Variants in SMAD4 observed in about 807,000 individuals in gnomAD.
SMAD4 encodes the protein MAD homolog 4.
A neutral mutation model predicts 63.2 loss-of-function variants in SMAD4; 7 were observed. The observed-to-expected ratio is 0.11, with a 90% confidence interval of 0.06 to 0.21. SMAD4 has a LOEUF of 0.21. Among genes scored for constraint, SMAD4 ranks in the 10% least tolerant of loss-of-function variants. The pLI, the probability that SMAD4 is intolerant of heterozygous loss-of-function variation, is 1.00. For missense variants in SMAD4, 312 were observed against 693.8 expected (o/e 0.45, Z 6.18); for synonymous variants, 215 against 235.4 (o/e 0.91, Z 0.79).
chr18:51,064,208 G>A lies in SMAD4; in HGVS notation c.956-1215G>A, dbSNP rs769914248. On this transcript the variant is annotated intron_variant, in intron 8 of 11. Coordinates refer to ENST00000342988, the MANE Select transcript of SMAD4 (RefSeq NM_005359.6). ...GATAAATCTTTCTTTTAAATATGTC[G>A]AACCTATTTCCACCCTGGGGTCTTT... Among the ~76,000 whole-genome samples, 4 of 151,978 alleles carry A rather than the reference G, an allele frequency of 2.6e-5. No homozygotes were observed. The East Asian group carries it at 7.7e-4, about 29-fold the overall frequency.
intron 10 of SMAD4, 71 bp from the exon 11 acceptor site, chr18:51,076,567 T>A (rs2144473139): frequency 7.4e-7 from 1 of 1,359,940 alleles, no homozygotes; most frequent in Non-Finnish European, 1.0e-6. Flanking sequence ...TTTAAATAAG[T>A]CAGGCATTGG....
At chr18:51,066,338 C>T (rs1436147258) in intron 9 of SMAD4, among the ~76,000 whole-genome samples, 3 of 132,632 alleles carry the variant, frequency 2.3e-5, no homozygotes, top group Non-Finnish European at 4.7e-5. Flanking sequence ...AGTGAGACTC[C>T]ATTTCAAAAA....
intron 1 of SMAD4, among the ~76,000 whole-genome samples, chr18:51,046,563 C>T (rs879801802): frequency 7.3e-5 from 11 of 151,354 alleles, no homozygotes; most frequent in Non-Finnish European, 1.5e-4. Context: ...TTAACTAGTG[C>T]TGATCCTCAT....
At chr18:51,071,280 A>G (rs1910308724) in intron 10 of SMAD4, among the ~76,000 whole-genome samples, 1 of 151,926 alleles carries the variant, frequency 6.6e-6, no homozygotes, top group Non-Finnish European at 1.5e-5. Context: ...ACACACACAC[A>G]TACACACACA....
rs1471264799 is a variant in SMAD4 at position 51,079,879 on chromosome 18, A to T, written c.*1412A>T. The T allele has an allele frequency of 4.3e-6, 1 of 232,516 alleles. No individual in the cohort carries two copies. Among genetic ancestry groups the T allele is most frequent in the Non-Finnish European group, 8.5e-6 (1 of 117,710 alleles). The allele number at this position is 232,516 out of a possible 1,614,324, so 14.4% of individuals were successfully genotyped here. ...TACCTTCTACTAAATGACAGGCAAC[A>T]GCCAGTTCTATTGGGCAGCTTTGTT... On this transcript the variant is annotated 3_prime_UTR_variant, in exon 12 of 12. Coordinates refer to ENST00000342988, the MANE Select transcript of SMAD4 (RefSeq NM_005359.6).
chr18:51,066,326 A>G (rs1910150163), intron 9 of SMAD4, among the ~76,000 whole-genome samples: 1 of 151,018 alleles, frequency 6.6e-6, no homozygotes, highest in South Asian at 2.1e-4. Context: ...CCTGGGTGAC[A>G]GAGTGAGACT....
intron 5 of SMAD4, 119 bp from the exon 6 acceptor site, chr18:51,058,006 A>C (rs1199662395): frequency 8.3e-7 from 1 of 1,201,164 alleles, no homozygotes; most frequent in Non-Finnish European, 1.2e-6. Flanking sequence ...GGTGAGTTAC[A>C]CTTTTTGCCC....
At chr18:51,074,770 C>T (rs1364016712) in intron 10 of SMAD4, among the ~76,000 whole-genome samples, 6 of 152,210 alleles carry the variant, frequency 3.9e-5, no homozygotes, top group Admixed American at 3.9e-4. Context: ...TTCCAAATGT[C>T]ATAGCCTAGA....
At chr18:51,060,656 G>A (rs1909984286) in intron 8 of SMAD4, among the ~76,000 whole-genome samples, 1 of 152,046 alleles carries the variant, frequency 6.6e-6, no homozygotes, top group Admixed American at 6.5e-5. Context: ...ATTTTTGAGA[G>A]AGGGCCTGGC....
Position 51,079,730 on chromosome 18 carries a change from A to G in SMAD4, c.*1263A>G, listed in dbSNP as rs1910563093. Reference sequence around the variant, plus strand: ...TGACTGTACCACAGACACAATATGTATGCTTTTTACCTAGCTGGTAGCATA... The same window carrying G: ...TGACTGTACCACAGACACAATATGTGTGCTTTTTACCTAGCTGGTAGCATA... On this transcript the variant is annotated 3_prime_UTR_variant, in exon 12 of 12. Coordinates refer to ENST00000342988, the MANE Select transcript of SMAD4 (RefSeq NM_005359.6). 4.3e-6 allele frequency: 1 copy of G among 233,306 alleles called. No homozygotes were observed. Among genetic ancestry groups the G allele is most frequent in the African/African-American group, 2.2e-5 (1 of 45,346 alleles). 14.5% of individuals were successfully genotyped at this position (233,306 alleles called of 1,614,324 possible).
chr18:51,056,596 G>T (rs1258617822), intron 5 of SMAD4, among the ~76,000 whole-genome samples: 3 of 143,798 alleles, frequency 2.1e-5, no homozygotes, highest in African/African-American at 7.8e-5. Flanking sequence ...CTCCAGCCTG[G>T]GCGACACAGC....
At chr18:51,062,482 CTTTTA>C (rs2144439623) in intron 8 of SMAD4, among the ~76,000 whole-genome samples, 1 of 151,446 alleles carries the variant, frequency 6.6e-6, no homozygotes, top group Non-Finnish European at 1.5e-5. Context: ...TTTTTTTGCT[CTTTTA>C]TTTATTTTTT....
chr18:51,071,587 C>T (rs915382567), intron 10 of SMAD4, among the ~76,000 whole-genome samples: 10 of 152,072 alleles, frequency 6.6e-5, no homozygotes, highest in African/African-American at 1.4e-4. Context: ...TAGCACTGGG[C>T]GTTTCAAGTT....
intron 9 of SMAD4, among the ~76,000 whole-genome samples, chr18:51,066,417 T>C (rs1437683298): frequency 6.6e-6 from 1 of 151,188 alleles, no homozygotes; most frequent in East Asian, 2.1e-4. Context: ...AACATTCCAT[T>C]TTAGCTACTG....
In SMAD4 at chr18:51,065,493, T is replaced by C. The variant is rs2144446895; in HGVS notation, c.1026T>C (p.Pro342=). 6.2e-7 allele frequency: 1 copy of C among 1,614,118 alleles called. No individual in the cohort carries two copies. The highest frequency in any genetic ancestry group is 1.1e-5 in the South Asian group (1 of 91,086). The change falls in exon 9 of 12, where the codon CCT becomes CCC. Residue 342 remains proline (P), a synonymous_variant. Transcript: ENST00000342988. ...AGGTAGGAGAGACATTTAAGGTTCC[T>C]TCAAGCTGCCCTATTGTTACTGTTG... The part of the protein sequence containing the change: ...DVQVGETFKV[P]SSCPIVTVDG...
intron 8 of SMAD4, among the ~76,000 whole-genome samples, chr18:51,063,626 T>C (rs1910076639): frequency 6.6e-6 from 1 of 152,054 alleles, no homozygotes; most frequent in South Asian, 2.1e-4. Flanking sequence ...TTGCCCAGGC[T>C]GGCCTTGACC....
chr18:51,066,895 A>G (rs1442197412), intron 9 of SMAD4, 124 bp from the exon 10 acceptor site: 8 of 725,888 alleles, frequency 1.1e-5, no homozygotes, highest in African/African-American at 7.1e-5. Context: ...GTTAATAGCT[A>G]TCTTTTGGTT....
intron 1 of SMAD4, among the ~76,000 whole-genome samples, chr18:51,039,520 A>C: frequency 2.8e-5 from 1 of 35,092 alleles, no homozygotes; most frequent in Non-Finnish European, 5.5e-5. Flanking sequence ...CCGTAGTTCC[A>C]TCGGAAGTGC....
At chr18:51,049,177 A>C in intron 3 of SMAD4, 118 bp from the exon 4 acceptor site, 1 of 786,838 alleles carries the variant, frequency 1.3e-6, no homozygotes, top group Non-Finnish European at 2.2e-6. Context: ...TTCTGAATTG[A>C]AATGGTTCAT....
Sources: gnomAD v4.1 joint callset for allele counts (sites outside exome capture counted in the v4.1 genomes callset) on GRCh38, gnomAD v4.1.1 for gene constraint, MANE v1.5 for transcripts, NCBI Gene and HGNC (gene_info 2026-07-23, HGNC 2026-07-21) for gene names.